SNTG2: variants seen among roughly 807,000 people sequenced by gnomAD.
SNTG2 encodes the protein syntrophin gamma 2.
SNTG2 carries 74 observed loss-of-function variants against 70.9 expected under a neutral mutation model. That is an observed-to-expected ratio of 1.04 (90% CI 0.86 to 1.27). The LOEUF is 1.27. Ranked by LOEUF, SNTG2 falls within the 50% of genes most tolerant of loss-of-function variation. The pLI is 0.00. For synonymous variants in SNTG2, 278 were observed against 273.8 expected, an observed-to-expected ratio of 1.02 and a Z score of -0.15; for missense variants, 717 against 690.7, an observed-to-expected ratio of 1.04 and a Z score of -0.43.
intron 12 of SNTG2, among the ~76,000 whole-genome samples, chr2:1,253,716 A>G (rs1383177221): frequency 1.3e-5 from 2 of 152,296 alleles, no homozygotes; most frequent in South Asian, 2.1e-4. Context: ...TGGGTAGTTT[A>G]TAAAGAAAAG....
intron 1 of SNTG2, among the ~76,000 whole-genome samples, chr2:1,034,799 T>C: frequency 6.6e-6 from 1 of 152,238 alleles, no homozygotes; most frequent in Admixed American, 6.5e-5. Flanking sequence ...CCACTGATAG[T>C]ATTAGATCAT....
chr2:984,950 C>G (rs985428996), intron 1 of SNTG2, among the ~76,000 whole-genome samples: 2 of 144,490 alleles, frequency 1.4e-5, no homozygotes, highest in African/African-American at 2.6e-5. Context: ...ACATAGTTTT[C>G]TTCAGTAACA....
intron 1 of SNTG2, among the ~76,000 whole-genome samples, chr2:1,079,377 TAGTATAGAAG>T: frequency 6.6e-6 from 1 of 152,240 alleles, no homozygotes; most frequent in East Asian, 1.9e-4. Context: ...TAATGTGTGT[TAGTATAGAAG>T]AAAGGGATTA....
chr2:996,261 A>C (rs796227460), intron 1 of SNTG2, among the ~76,000 whole-genome samples: 4 of 152,292 alleles, frequency 2.6e-5, no homozygotes, highest in African/African-American at 9.6e-5. Context: ...AACTAAGAGA[A>C]CTTTTCAAAC....
chr2:1,081,209 C>T (rs572135341), intron 1 of SNTG2, among the ~76,000 whole-genome samples: 1 of 152,332 alleles, frequency 6.6e-6, no homozygotes, highest in Non-Finnish European at 1.5e-5. Context: ...CGGAGCTGGC[C>T]TTGCCTCCCT....
chr2:1,168,396 C>T (rs1670896632), intron 7 of SNTG2, among the ~76,000 whole-genome samples: 1 of 152,220 alleles, frequency 6.6e-6, no homozygotes. Context: ...GAAACATCCA[C>T]CCCTAGATGC....
chr2:1,273,473 AC>A (rs1558621914), intron 14 of SNTG2, among the ~76,000 whole-genome samples: 2 of 151,994 alleles, frequency 1.3e-5, no homozygotes, highest in African/African-American at 4.8e-5. Flanking sequence ...TACCACTCCT[AC>A]CGTACTATCA....
At chr2:1,254,224 G>C (rs115144398) in intron 12 of SNTG2, among the ~76,000 whole-genome samples, 1,846 of 152,302 alleles carry the variant, frequency 0.012, 25 homozygotes, top group African/African-American at 0.042. Flanking sequence ...CGTGAGGAGG[G>C]CCCGGCCCAC....
At chr2:966,695 C>T (rs557670292) in intron 1 of SNTG2, among the ~76,000 whole-genome samples, 1 of 152,152 alleles carries the variant, frequency 6.6e-6, no homozygotes, top group South Asian at 2.1e-4. Flanking sequence ...GCCTATAATC[C>T]CAGCACTTTG....
intron 1 of SNTG2, among the ~76,000 whole-genome samples, chr2:980,822 G>A (rs1661073341): frequency 6.6e-6 from 1 of 152,112 alleles, no homozygotes; most frequent in African/African-American, 2.4e-5. Context: ...GACATTAACG[G>A]GTTAGATAAT....
At chr2:1,149,213 G>GAA (rs1669302673) in intron 6 of SNTG2, among the ~76,000 whole-genome samples, 1 of 19,426 alleles carries the variant, frequency 5.1e-5, no homozygotes, top group South Asian at 7.7e-4. Context: ...GTGTGTGAGA[G>GAA]AGAGACACAC....
intron 1 of SNTG2, among the ~76,000 whole-genome samples, chr2:1,038,955 A>G (rs1053496544): frequency 3.3e-5 from 5 of 152,190 alleles, no homozygotes; most frequent in Non-Finnish European, 7.3e-5. Flanking sequence ...CCTTTTTTAT[A>G]AGAACAACAT....
intron 6 of SNTG2, among the ~76,000 whole-genome samples, chr2:1,143,280 A>G (rs1054827061): frequency 6.6e-6 from 1 of 152,304 alleles, no homozygotes; most frequent in East Asian, 1.9e-4. Context: ...CTCTGTAGTT[A>G]TAAGAAATAA....
intron 1 of SNTG2, among the ~76,000 whole-genome samples, chr2:1,009,651 C>T (rs1473600702): frequency 9.9e-6 from 1 of 101,172 alleles, no homozygotes; most frequent in Non-Finnish European, 2.1e-5. Flanking sequence ...GGCAGCCACA[C>T]CTGTGTCCCC....
intron 14 of SNTG2, among the ~76,000 whole-genome samples, chr2:1,299,545 C>T (rs1027857872): frequency 6.6e-6 from 1 of 152,196 alleles, no homozygotes; most frequent in Non-Finnish European, 1.5e-5. Context: ...TCACAGGATT[C>T]GAGCCCCATG....
At chr2:1,149,439 C>T (rs78927114) in intron 6 of SNTG2, among the ~76,000 whole-genome samples, 18,030 of 152,102 alleles carry the variant, frequency 0.12, 1,672 homozygotes, top group East Asian at 0.43. Context: ...GCAACAGCAT[C>T]GGAAGATTAA....
intron 14 of SNTG2, among the ~76,000 whole-genome samples, chr2:1,306,656 T>A (rs912220124): frequency 3.2e-4 from 48 of 151,146 alleles, no homozygotes; most frequent in African/African-American, 1.2e-3. Context: ...GAGACCTGAC[T>A]GGCTCCAGCC....
intron 1 of SNTG2, among the ~76,000 whole-genome samples, chr2:1,080,656 G>A (rs978455650): frequency 2.6e-5 from 4 of 151,644 alleles, no homozygotes; most frequent in Admixed American, 1.3e-4. Flanking sequence ...TTGTGTCTGT[G>A]TGTGTGCATG....
intron 1 of SNTG2, among the ~76,000 whole-genome samples, chr2:1,066,257 TGAA>T (rs1663143514): frequency 6.6e-6 from 1 of 152,186 alleles, no homozygotes; most frequent in Non-Finnish European, 1.5e-5. Flanking sequence ...TCAAGATGGT[TGAA>T]GAAGTAGTTG....
Sources: gnomAD v4.1 joint callset for allele counts (sites outside exome capture counted in the v4.1 genomes callset) on GRCh38, gnomAD v4.1.1 for gene constraint, MANE v1.5 for transcripts, NCBI Gene and HGNC (gene_info 2026-07-23, HGNC 2026-07-21) for gene names.